Variants in CELSR1 observed in about 807,000 individuals in gnomAD.
CELSR1 encodes cadherin EGF LAG seven-pass G-type receptor 1.
CELSR1 carries 110 observed loss-of-function variants against 249.1 expected under a neutral mutation model. That is an observed-to-expected ratio of 0.44 (90% CI 0.38 to 0.52). The LOEUF (loss-of-function observed/expected upper bound fraction) is 0.52. CELSR1 is among the 20% of genes least tolerant of loss of function. The probability of loss-of-function intolerance (pLI) is 0.00; values close to 1 mark genes in which losing one functional copy is unlikely to be tolerated. For synonymous variants in CELSR1, 2,113 were observed against 1,900.0 expected, an observed-to-expected ratio of 1.11 and a Z score of -2.92; for missense variants, 4,109 against 4,296.4, an observed-to-expected ratio of 0.96 and a Z score of 1.22.
rs1010061359 is a variant in CELSR1 at position 46,395,766 on chromosome 22, C to T, written c.5843+839G>A. Among the ~76,000 whole-genome samples the T allele has an allele frequency of 1.3e-5, 2 of 152,138 alleles. No individual in the cohort carries two copies. Among genetic ancestry groups the T allele is most frequent in the Non-Finnish European group, 2.9e-5 (2 of 68,020 alleles). ...AGCCACAGGGGCATCACCTCCACGG[C>T]GGCCTGGAACCTTGGTTTATGAAGA... On this transcript the variant is annotated intron_variant, in intron 13 of 34. Transcript: ENST00000674500. This position sits in a 1 kb window ranked among gnomAD's most constrained non-coding sequence, Gnocchi z 5.5.
rs951582738 is a variant in CELSR1, at chr22:46,410,050, T to A, written c.4934-170A>T. 6.6e-6 allele frequency among the ~76,000 whole-genome samples: 1 copy of A among 152,206 alleles called. No homozygotes were observed. The highest frequency in any genetic ancestry group is 2.4e-5 in the African/African-American group (1 of 41,458). Reference sequence around the variant, plus strand: ...AGGAACATGGGAACTAAGAAGGTGCTGAACGCACTGACCACATTTGGAGAC... The same window carrying A: ...AGGAACATGGGAACTAAGAAGGTGCAGAACGCACTGACCACATTTGGAGAC... On this transcript the variant is annotated intron_variant, in intron 7 of 34. Coordinates refer to ENST00000674500, the MANE Select transcript of CELSR1 (RefSeq NM_001378328.1). The surrounding 1 kb of genome is among the most constrained non-coding windows in gnomAD (Gnocchi z 6.8).
At chr22:46,394,661 G>A (rs760226197) in intron 13 of CELSR1, among the ~76,000 whole-genome samples, 11 of 152,190 alleles carry the variant, frequency 7.2e-5, no homozygotes, top group Non-Finnish European at 1.3e-4. Flanking sequence ...TGAGATGCCC[G>A]CAGGAAGCTC....
rs2147219731 is a variant in CELSR1 at position 46,381,934 on chromosome 22, C to T, written c.7000G>A (p.Gly2334Ser). The change falls in exon 21 of 35, where the codon GGC (glycine) becomes AGC (serine). Residue 2334 changes from glycine to serine, a missense_variant. Around this residue, in one of 7 missense-constraint regions of CELSR1, gnomAD observed 1,805 missense variants for 1,831.6 expected, o/e 0.99. Coordinates refer to ENST00000674500, the MANE Select transcript of CELSR1 (RefSeq NM_001378328.1). This position sits in a 1 kb window ranked among gnomAD's most constrained non-coding sequence, Gnocchi z 6.0. ...ATGACCAGAGCGACGGCGAACTGGC[C>T]AGCGTCATCAGGGTGTCGCCTCCGC... ...SRRRRHPDDAGQFAVALVIIY... is the reference protein window; with the variant it reads ...SRRRRHPDDASQFAVALVIIY... 1.3e-6 allele frequency: 2 copies of T among 1,568,710 alleles called. No homozygotes were observed. Among genetic ancestry groups the T allele is most frequent in the Non-Finnish European group, 1.7e-6 (2 of 1,158,870 alleles).
chr22:46,528,093 A>T (rs1438379296), intron 1 of CELSR1, among the ~76,000 whole-genome samples: 1 of 140,406 alleles, frequency 7.1e-6, no homozygotes, highest in African/African-American at 2.7e-5. Context: ...ACAGAGCAAG[A>T]CTGTCTCAAA....
At chr22:46,397,541 A>T (rs2079162580) in intron 12 of CELSR1, 133 bp downstream of exon 12, 4 of 831,860 alleles carry the variant, frequency 4.8e-6, no homozygotes, top group African/African-American at 3.5e-5. Flanking sequence ...GCTTGTTATA[A>T]AATAAAGCTC....
Position 46,363,058 on chromosome 22 carries a change from G to C in CELSR1, c.*165C>G. The C allele has an allele frequency of 1.4e-6, 2 of 1,430,552 alleles. No homozygotes were observed. The highest frequency in any genetic ancestry group is 2.0e-6 in the Non-Finnish European group (2 of 1,023,310). The allele number at this position is 1,430,552 out of a possible 1,614,324, so 88.6% of individuals were successfully genotyped here. A position where few individuals can be genotyped will look rare whatever the true frequency, so the allele number is the denominator to read the frequency against. ...GACCTTTGTGTCTGGATGATCAGTC[G>C]GGGGGCTGCCACCATGGGGACCGCC... On this transcript the variant is annotated 3_prime_UTR_variant, in exon 35 of 35. Coordinates refer to ENST00000674500, the MANE Select transcript of CELSR1 (RefSeq NM_001378328.1). This position sits in a 1 kb window ranked among gnomAD's most constrained non-coding sequence, Gnocchi z 4.3.
chr22:46,478,920 C>A (rs1358910738), intron 1 of CELSR1, among the ~76,000 whole-genome samples: 3 of 151,964 alleles, frequency 2.0e-5, no homozygotes, highest in Non-Finnish European at 4.4e-5. Flanking sequence ...CTGCTCAGAG[C>A]TCTCAGGCTC....
Position 46,464,048 on chromosome 22 carries a change from T to C in CELSR1, c.3842A>G (p.Gln1281Arg). ...RGQFFPSEDL[Q>R]EQIYLNRTLL... is the part of the protein sequence containing the mutation. ...CGTCCGATTCAGGTAGATCTGCTCC[T>C]GCAGGTCCTCCGACGGGAAGAACTG... The change falls in exon 2 of 35, where the codon CAG becomes CGG. Residue 1281 changes from glutamine to arginine, a missense_variant. Physicochemically the swap from Gln to Arg is conservative, Grantham distance 43. Coordinates refer to ENST00000674500, the MANE Select transcript of CELSR1 (RefSeq NM_001378328.1). This position sits in a 1 kb window ranked among gnomAD's most constrained non-coding sequence, Gnocchi z 8.5. The C allele has an allele frequency of 6.2e-7, 1 of 1,613,784 alleles. No homozygotes were observed. Among genetic ancestry groups the C allele is most frequent in the Non-Finnish European group, 8.5e-7 (1 of 1,180,034 alleles).
rs367887273 is a variant in CELSR1 at position 46,527,571 on chromosome 22, C to T, written c.3544+6056G>A. Among the ~76,000 whole-genome samples the T allele has an allele frequency of 5.9e-5, 9 of 152,212 alleles. No homozygotes were observed. The highest frequency in any genetic ancestry group is 1.9e-4 in the African/African-American group (8 of 41,452). On this transcript the variant is annotated intron_variant, in intron 1 of 34. Coordinates refer to ENST00000674500, the MANE Select transcript of CELSR1 (RefSeq NM_001378328.1). This position sits in a 1 kb window ranked among gnomAD's most constrained non-coding sequence, Gnocchi z 5.5. Reference sequence around the variant, plus strand: ...CATCGGATGGTCCATCTCCACCCAGCCGCAGAAGTCAGGACCACACTGGCT... The same window carrying T: ...CATCGGATGGTCCATCTCCACCCAGTCGCAGAAGTCAGGACCACACTGGCT...
intron 2 of CELSR1, among the ~76,000 whole-genome samples, chr22:46,449,124 C>A (rs1425423770): frequency 6.6e-6 from 1 of 150,546 alleles, no homozygotes; most frequent in Non-Finnish European, 1.5e-5. Context: ...CATCCACCCA[C>A]CCACCCAGCT....
chr22:46,367,161 T>G, intron 28 of CELSR1, 43 bp from the exon 29 acceptor site: 1 of 1,596,402 alleles, frequency 6.3e-7, no homozygotes, highest in Non-Finnish European at 8.5e-7. Flanking sequence ...GCTGCCTCCC[T>G]AGGCACCTGC....
In CELSR1 at chr22:46,386,440, G is replaced by A. The variant is rs147178130; in HGVS notation, c.6701C>T (p.Thr2234Met). 8.1e-6 allele frequency: 13 copies of A among 1,595,700 alleles called. No individual in the cohort carries two copies. Among genetic ancestry groups the A allele is most frequent in the African/African-American group, 8.1e-5 (6 of 74,144 alleles). Residue 2234 changes from threonine to methionine, a missense_variant, in exon 19 of 35, where the codon ACG (threonine) becomes ATG (methionine). Physicochemically the swap from Thr to Met is moderately conservative, Grantham distance 81. Around this residue, in one of 7 missense-constraint regions of CELSR1, gnomAD observed 1,805 missense variants for 1,831.6 expected, o/e 0.99. Transcript: ENST00000674500. ...FSNVARNVRRTYLRPFVIVTA... is the reference protein window; with the variant it reads ...FSNVARNVRRMYLRPFVIVTA... ...GACGATGACGAAGGGCCGCAGGTAC[G>A]TCCGCCGCACGTTGCGTGCCACGTT...
At chr22:46,474,041 G>C (rs544217836) in intron 1 of CELSR1, among the ~76,000 whole-genome samples, 1 of 152,116 alleles carries the variant, frequency 6.6e-6, no homozygotes, top group Admixed American at 6.5e-5. Context: ...AGTGAGCCTC[G>C]GACCCAGGAG....
chr22:46,389,575 C>T (rs2079067306), intron 17 of CELSR1, 76 bp from the exon 18 acceptor site: 5 of 1,408,812 alleles, frequency 3.5e-6, no homozygotes, highest in Non-Finnish European at 5.0e-6. Context: ...CTCAGCAACT[C>T]ACTACTGTCT....
intron 14 of CELSR1, 55 bp downstream of exon 14, chr22:46,394,087 T>C (rs1443223571): frequency 1.3e-6 from 2 of 1,582,740 alleles, no homozygotes; most frequent in East Asian, 4.5e-5. Context: ...TAGGGGCAGC[T>C]GTGCATGTGT....
intron 24 of CELSR1, among the ~76,000 whole-genome samples, chr22:46,376,025 G>A (rs6008783): frequency 0.17 from 25,702 of 152,148 alleles, 3,515 homozygotes; most frequent in African/African-American, 0.38. Flanking sequence ...GGTTCCTGAT[G>A]TTACAGGGGA....
chr22:46,424,400 T>C (rs988931961), intron 5 of CELSR1, among the ~76,000 whole-genome samples: 2 of 152,152 alleles, frequency 1.3e-5, no homozygotes, highest in Non-Finnish European at 2.9e-5. Context: ...TTGATGAAAC[T>C]TTCTATTTTG....
rs1271783568 is a variant in CELSR1 at position 46,427,802 on chromosome 22, G to A, written c.4611+5591C>T. ...AGGGAAGGCTACGTGGCCTCACCCA[G>A]GGGACCACACAACTGTCTAACCACG... On this transcript the variant is annotated intron_variant, in intron 5 of 34. Coordinates refer to ENST00000674500, the MANE Select transcript of CELSR1 (RefSeq NM_001378328.1). The surrounding 1 kb of genome is among the most constrained non-coding windows in gnomAD (Gnocchi z 4.2). Among the ~76,000 whole-genome samples, 3 of 152,168 alleles carry A rather than the reference G, an allele frequency of 2.0e-5. No individual in the cohort carries two copies. Among genetic ancestry groups the A allele is most frequent in the African/African-American group, 2.4e-5 (1 of 41,436 alleles).
intron 5 of CELSR1, among the ~76,000 whole-genome samples, chr22:46,414,411 C>T (rs527840160): frequency 6.6e-5 from 10 of 152,344 alleles, no homozygotes; most frequent in East Asian, 1.9e-4. Context: ...CCCTGCTGCT[C>T]GGAGGAGAAA....
Sources: allele counts gnomAD v4.1 joint callset (sites outside exome capture counted in the v4.1 genomes callset), GRCh38; gene constraint gnomAD v4.1.1; regional missense constraint gnomAD v4.1.1; non-coding constraint Gnocchi (gnomAD v3.1); transcripts MANE v1.5; gene names NCBI Gene and HGNC (gene_info 2026-07-23, HGNC 2026-07-21).